ZMAT4: variants seen among roughly 807,000 people sequenced by gnomAD.
The protein encoded by ZMAT4 is zinc finger matrin-type protein 4.
A neutral mutation model predicts 28.7 loss-of-function variants in ZMAT4; 17 were observed. The ratio of observed to expected loss-of-function variants is 0.59; its 90% CI spans 0.41 to 0.89. The LOEUF (loss-of-function observed/expected upper bound fraction) is 0.89. ZMAT4 is among the 40% of genes least tolerant of loss of function. The pLI, the probability that ZMAT4 is intolerant of heterozygous loss-of-function variation, is 0.00. For missense variants in ZMAT4, 240 were observed against 283.8 expected (o/e 0.85, Z 1.11); for synonymous variants, 117 against 109.2 (o/e 1.07, Z -0.44).
In ZMAT4 at chr8:40,679,496, G is replaced by A. The variant is rs953408456; in HGVS notation, c.350-4565C>T. 1.1e-4 allele frequency among the ~76,000 whole-genome samples: 16 copies of A among 152,254 alleles called. 1 individual carries two copies. The highest frequency in any genetic ancestry group is 4.1e-4 in the South Asian group (2 of 4,826). ...TCATGGCAGAAGTGGAAGAAAACAC[G>A]TCCTTCTTCACATGGCAGCAGGAAG... On this transcript the variant is annotated intron_variant, in intron 4 of 6. Transcript: ENST00000297737.
At chr8:40,632,665 C>T (rs956988408) in intron 5 of ZMAT4, among the ~76,000 whole-genome samples, 1 of 152,166 alleles carries the variant, frequency 6.6e-6, no homozygotes, top group Non-Finnish European at 1.5e-5. Context: ...GGATGAGTCT[C>T]TAGAGCCTGC....
chr8:40,728,544 C>G (rs1253172167), intron 3 of ZMAT4, among the ~76,000 whole-genome samples: 1 of 152,166 alleles, frequency 6.6e-6, no homozygotes, highest in Non-Finnish European at 1.5e-5. Context: ...CTGACCACTA[C>G]TAACTAAACA....
chr8:40,642,660 T>C (rs918490871), intron 5 of ZMAT4, among the ~76,000 whole-genome samples: 1 of 152,238 alleles, frequency 6.6e-6, no homozygotes, highest in Non-Finnish European at 1.5e-5. Context: ...AAAAGCTATC[T>C]GCTAGAGGAG....
chr8:40,661,743 C>T (rs1412918099), intron 5 of ZMAT4, among the ~76,000 whole-genome samples: 2 of 152,180 alleles, frequency 1.3e-5, no homozygotes, highest in African/African-American at 2.4e-5. Context: ...TTTTCAGAGG[C>T]AGCATAATGG....
intron 6 of ZMAT4, among the ~76,000 whole-genome samples, chr8:40,549,417 C>G (rs892436626): frequency 6.6e-6 from 1 of 152,160 alleles, no homozygotes; most frequent in Admixed American, 6.5e-5. Flanking sequence ...CTTGAATTAT[C>G]TTTTGGCTGC....
intron 1 of ZMAT4, among the ~76,000 whole-genome samples, chr8:40,877,774 C>T (rs961986134): frequency 6.6e-6 from 1 of 152,038 alleles, no homozygotes; most frequent in African/African-American, 2.4e-5. Flanking sequence ...CCAAGACTTT[C>T]AGTGGGTGGC....
intron 5 of ZMAT4, among the ~76,000 whole-genome samples, chr8:40,617,415 G>GC: frequency 6.6e-6 from 1 of 152,328 alleles, no homozygotes; most frequent in African/African-American, 2.4e-5. Context: ...TTGAACACTA[G>GC]CAATTTCCAA....
chr8:40,819,180 C>A (rs1006466329), intron 2 of ZMAT4, among the ~76,000 whole-genome samples: 1 of 152,070 alleles, frequency 6.6e-6, no homozygotes, highest in Non-Finnish European at 1.5e-5. Context: ...CTGCTGCTAC[C>A]ATGATGAGAG....
At chr8:40,782,023 C>T (rs1255700655) in intron 2 of ZMAT4, among the ~76,000 whole-genome samples, 3 of 152,090 alleles carry the variant, frequency 2.0e-5, no homozygotes, top group East Asian at 3.9e-4. Flanking sequence ...TAAACAATGG[C>T]TTCTTAGATG....
At chr8:40,589,760 CTT>C (rs747498227) in intron 5 of ZMAT4, among the ~76,000 whole-genome samples, 19 of 52,916 alleles carry the variant, frequency 3.6e-4, no homozygotes, top group African/African-American at 6.6e-4. Flanking sequence ...TTCTTTCTTT[CTT>C]TTTCTTTCTT....
intron 3 of ZMAT4, among the ~76,000 whole-genome samples, chr8:40,742,749 GCACACACACA>G (rs10533331): frequency 1.8e-4 from 1 of 5,576 alleles, no homozygotes; most frequent in African/African-American, 2.4e-4. Context: ...GTGCACGCAT[GCACACACACA>G]CACACACACA....
intron 5 of ZMAT4, among the ~76,000 whole-genome samples, chr8:40,650,621 A>AT (rs1807594912): frequency 6.2e-5 from 1 of 16,142 alleles, no homozygotes; most frequent in Non-Finnish European, 1.6e-4. Flanking sequence ...GAGACACAAC[A>AT]AAAAAAGAGA....
At chr8:40,565,924 A>G (rs1364946673) in intron 6 of ZMAT4, among the ~76,000 whole-genome samples, 1 of 150,774 alleles carries the variant, frequency 6.6e-6, no homozygotes, top group African/African-American at 2.4e-5. Flanking sequence ...GGCCCCCAGC[A>G]CTCTCTCCTG....
chr8:40,597,077 T>C (rs1045608239), intron 5 of ZMAT4, among the ~76,000 whole-genome samples: 10 of 152,154 alleles, frequency 6.6e-5, no homozygotes, highest in Non-Finnish European at 1.3e-4. Flanking sequence ...GATATGGGGA[T>C]GGATGGATGG....
chr8:40,834,161 G>A (rs1054963828), intron 1 of ZMAT4, among the ~76,000 whole-genome samples: 1 of 152,190 alleles, frequency 6.6e-6, no homozygotes, highest in African/African-American at 2.4e-5. Flanking sequence ...GCCGCGGGCC[G>A]TGGAACCAGA....
intron 5 of ZMAT4, among the ~76,000 whole-genome samples, chr8:40,584,042 A>G (rs1804579499): frequency 6.6e-6 from 1 of 152,086 alleles, no homozygotes; most frequent in Admixed American, 6.6e-5. Context: ...AGCTTTTGAA[A>G]TTTGTAGCTA....
At chr8:40,660,353 G>T (rs1020461972) in intron 5 of ZMAT4, among the ~76,000 whole-genome samples, 1 of 152,182 alleles carries the variant, frequency 6.6e-6, no homozygotes, top group Non-Finnish European at 1.5e-5. Flanking sequence ...TTACAGTAAA[G>T]ATATGCAAAT....
At chr8:40,558,862 C>T (rs907299316) in intron 6 of ZMAT4, among the ~76,000 whole-genome samples, 2 of 151,958 alleles carry the variant, frequency 1.3e-5, no homozygotes, top group African/African-American at 4.8e-5. Flanking sequence ...GTTTTAGACA[C>T]GACAGCCAAC....
chr8:40,622,674 G>A (rs1157214213), intron 5 of ZMAT4, among the ~76,000 whole-genome samples: 1 of 152,210 alleles, frequency 6.6e-6, no homozygotes, highest in East Asian at 1.9e-4. Context: ...TGCTCCTGGT[G>A]AGGCCTCAGG....
Sources: gnomAD v4.1 joint callset for allele counts (sites outside exome capture counted in the v4.1 genomes callset) on GRCh38, gnomAD v4.1.1 for gene constraint, MANE v1.5 for transcripts, NCBI Gene and HGNC (gene_info 2026-07-23, HGNC 2026-07-21) for gene names.